HPSE2: variants seen among roughly 807,000 people sequenced by gnomAD.
HPSE2 encodes heparanase 2 (inactive).
Under a neutral mutation model 60.5 loss-of-function variants are expected in HPSE2, and 38 were observed. The observed-to-expected ratio is 0.63, with a 90% CI of 0.48 to 0.82. The LOEUF (loss-of-function observed/expected upper bound fraction) is 0.82, where lower values mean the gene tolerates loss of function less well. Among genes scored for constraint, HPSE2 ranks in the 40% least tolerant of loss-of-function variants. HPSE2 has a pLI of 0.00. For missense variants in HPSE2, 713 were observed against 740.4 expected (o/e 0.96, Z 0.43); for synonymous variants, 295 against 293.2 (o/e 1.01, Z -0.06).
intron 3 of HPSE2, among the ~76,000 whole-genome samples, chr10:99,099,184 C>A (rs1303450895): frequency 6.6e-6 from 1 of 152,208 alleles, no homozygotes; most frequent in Non-Finnish European, 1.5e-5. Flanking sequence ...TGAGCTGAAG[C>A]AGCGCGAGGC....
the HPSE2 span, among the ~76,000 whole-genome samples, chr10:99,276,991 A>G: frequency 2.6e-5 from 4 of 152,366 alleles, no homozygotes; most frequent in Admixed American, 6.5e-5. Context: ...TATATTACCC[A>G]GTCATAAGCT....
At chr10:99,140,076 T>C (rs1272961383) in intron 3 of HPSE2, among the ~76,000 whole-genome samples, 3 of 152,222 alleles carry the variant, frequency 2.0e-5, no homozygotes, top group African/African-American at 7.2e-5. Flanking sequence ...TTTACTTTGA[T>C]AAAGTAGCAA....
intron 3 of HPSE2, among the ~76,000 whole-genome samples, chr10:99,090,143 T>C (rs1393268082): frequency 6.6e-6 from 1 of 152,146 alleles, no homozygotes; most frequent in East Asian, 1.9e-4. Context: ...TCCTCTTTAC[T>C]GATCTGGATG....
At chr10:98,963,243 T>C (rs1955727322) in intron 3 of HPSE2, among the ~76,000 whole-genome samples, 1 of 152,198 alleles carries the variant, frequency 6.6e-6, no homozygotes, top group African/African-American at 2.4e-5. Context: ...TGTTTTCTGA[T>C]TTTAAAAGTT....
chr10:98,881,594 G>A (rs778688936), intron 3 of HPSE2, among the ~76,000 whole-genome samples: 59 of 152,084 alleles, frequency 3.9e-4, no homozygotes, highest in Non-Finnish European at 6.6e-4. Context: ...GGATGTTTTC[G>A]AATAATAATA....
At position 98,931,843 on chromosome 10, in the gene HPSE2, C is replaced by T. The variant is rs900918320; in HGVS notation, c.611-187787G>A. ...ATATCCTGAGACTTTGCTAAAGTTGCATATCAGCTTAAGAACCTTTTGGGC... is the reference window on the plus strand; with the variant it reads ...ATATCCTGAGACTTTGCTAAAGTTGTATATCAGCTTAAGAACCTTTTGGGC... On this transcript the variant is annotated intron_variant, in intron 3 of 11. Coordinates refer to ENST00000370552, the MANE Select transcript of HPSE2 (RefSeq NM_021828.5). 3.5e-5 allele frequency among the ~76,000 whole-genome samples: 5 copies of T among 143,968 alleles called. 1 individual carries two copies. The highest frequency in any genetic ancestry group is 1.4e-4 in the African/African-American group (5 of 35,398). 94.4% of individuals were successfully genotyped at this position (143,968 alleles called of 152,430 possible). A position where few individuals can be genotyped will look rare whatever the true frequency, so the allele number is the denominator to read the frequency against.
chr10:99,054,981 G>A (rs1427455746), intron 3 of HPSE2, among the ~76,000 whole-genome samples: 1 of 151,932 alleles, frequency 6.6e-6, no homozygotes, highest in Non-Finnish European at 1.5e-5. Flanking sequence ...CAAAGTGCTG[G>A]GATTACAAGT....
chr10:98,907,957 A>G (rs1034968857), intron 3 of HPSE2, among the ~76,000 whole-genome samples: 1 of 152,202 alleles, frequency 6.6e-6, no homozygotes, highest in Admixed American at 6.5e-5. Flanking sequence ...AAATCAGTCT[A>G]TTTTGTGAAT....
At chr10:98,722,786 A>G (rs1447678728) in intron 4 of HPSE2, among the ~76,000 whole-genome samples, 1 of 152,130 alleles carries the variant, frequency 6.6e-6, no homozygotes, top group Non-Finnish European at 1.5e-5. Context: ...CCAACATCTC[A>G]GCTGGCTTGA....
chr10:99,063,179 AC>A (rs1842504352), intron 3 of HPSE2, among the ~76,000 whole-genome samples: 2 of 152,248 alleles, frequency 1.3e-5, no homozygotes. Context: ...TAAAGATTTG[AC>A]AAAATAAAAA....
At chr10:98,638,457 A>G (rs976804802) in intron 7 of HPSE2, among the ~76,000 whole-genome samples, 4 of 152,228 alleles carry the variant, frequency 2.6e-5, no homozygotes, top group African/African-American at 9.6e-5. Context: ...AAAATTAAAA[A>G]TTAAAAAAAC....
chr10:98,577,201 CTT>C (rs1323330837), intron 9 of HPSE2, among the ~76,000 whole-genome samples: 2 of 151,316 alleles, frequency 1.3e-5, no homozygotes, highest in African/African-American at 4.9e-5. Flanking sequence ...TTTAACTTGT[CTT>C]TATTTATTCT....
chr10:98,687,856 T>A (rs1251231364), intron 6 of HPSE2, among the ~76,000 whole-genome samples: 1 of 152,184 alleles, frequency 6.6e-6, no homozygotes, highest in African/African-American at 2.4e-5. Flanking sequence ...GTGTGTCTCT[T>A]GTAGGCAGAA....
At chr10:99,293,854 G>A in the HPSE2 span, among the ~76,000 whole-genome samples, 6 of 152,068 alleles carry the variant, frequency 3.9e-5, no homozygotes, top group Admixed American at 3.9e-4. Flanking sequence ...TACAGAGAAA[G>A]GTATAAATGT....
intron 11 of HPSE2, among the ~76,000 whole-genome samples, chr10:98,464,508 C>G (rs1466630120): frequency 6.6e-6 from 1 of 152,106 alleles, no homozygotes; most frequent in African/African-American, 2.4e-5. Context: ...CTCTGGAGAA[C>G]CTTCTCTGAC....
chr10:99,003,965 T>C (rs1425348653), intron 3 of HPSE2, among the ~76,000 whole-genome samples: 1 of 152,156 alleles, frequency 6.6e-6, no homozygotes, highest in Non-Finnish European at 1.5e-5. Context: ...TTGATTTTTG[T>C]ATATGTTGTG....
chr10:99,118,282 G>A (rs1469691420), intron 3 of HPSE2, among the ~76,000 whole-genome samples: 1 of 152,084 alleles, frequency 6.6e-6, no homozygotes, highest in African/African-American at 2.4e-5. Flanking sequence ...CCAGCACTTT[G>A]GGAGGCCAAG....
At chr10:99,004,395 A>C (rs1446070817) in intron 3 of HPSE2, among the ~76,000 whole-genome samples, 1 of 151,810 alleles carries the variant, frequency 6.6e-6, no homozygotes, top group Non-Finnish European at 1.5e-5. Flanking sequence ...AGTATGCTTT[A>C]CCATCTTACT....
At chr10:98,639,021 AG>A (rs1444178106) in intron 7 of HPSE2, among the ~76,000 whole-genome samples, 10 of 152,174 alleles carry the variant, frequency 6.6e-5, no homozygotes, top group Non-Finnish European at 1.3e-4. Context: ...CCGCATTGAA[AG>A]GAGGAGTTTA....
Sources: gnomAD v4.1 joint callset for allele counts (sites outside exome capture counted in the v4.1 genomes callset) on GRCh38, gnomAD v4.1.1 for gene constraint, MANE v1.5 for transcripts, NCBI Gene and HGNC (gene_info 2026-07-23, HGNC 2026-07-21) for gene names.